CDC42BPA: variants seen among roughly 807,000 people sequenced by gnomAD.
CDC42BPA encodes CDC42 binding protein kinase alpha.
Under a neutral mutation model 223.5 loss-of-function variants are expected in CDC42BPA, and 80 were observed. The ratio of observed to expected loss-of-function variants is 0.36; its 90% CI spans 0.30 to 0.43. The LOEUF (loss-of-function observed/expected upper bound fraction) is 0.43, where lower values mean the gene tolerates loss of function less well. Ranked by LOEUF, CDC42BPA falls within the 20% of genes least tolerant of loss-of-function variation. The pLI, the probability that CDC42BPA is intolerant of heterozygous loss-of-function variation, is 1.00. For missense variants in CDC42BPA, 1,743 were observed against 2,099.9 expected, an observed-to-expected ratio of 0.83 and a Z score of 3.32; for synonymous variants, 694 against 718.6, an observed-to-expected ratio of 0.97 and a Z score of 0.55.
At chr1:227,001,762 C>T (rs993625692) in intron 35 of CDC42BPA, among the ~76,000 whole-genome samples, 7 of 152,004 alleles carry the variant, frequency 4.6e-5, no homozygotes, top group African/African-American at 1.7e-4. Context: ...CAGAAATTGG[C>T]TGGGTGTGAT....
intron 15 of CDC42BPA, among the ~76,000 whole-genome samples, chr1:227,097,518 G>A (rs1684229481): frequency 6.6e-6 from 1 of 152,212 alleles, no homozygotes; most frequent in Non-Finnish European, 1.5e-5. Context: ...ATCAGGTGAT[G>A]ATCAGGTGGT....
At chr1:227,183,899 G>T (rs1668346856) in intron 5 of CDC42BPA, among the ~76,000 whole-genome samples, 1 of 152,150 alleles carries the variant, frequency 6.6e-6, no homozygotes, top group East Asian at 1.9e-4. Flanking sequence ...AAACAGGTGG[G>T]TAATAATATC....
At chr1:227,172,675 GA>G (rs1157035942) in intron 5 of CDC42BPA, among the ~76,000 whole-genome samples, 1 of 151,958 alleles carries the variant, frequency 6.6e-6, no homozygotes, top group Non-Finnish European at 1.5e-5. Flanking sequence ...ATAGTTGGGG[GA>G]AACTGGGCGA....
intron 1 of CDC42BPA, among the ~76,000 whole-genome samples, chr1:227,281,522 C>T (rs1234118127): frequency 1.3e-5 from 2 of 152,130 alleles, no homozygotes; most frequent in African/African-American, 4.8e-5. Context: ...TGTCCCAGGG[C>T]CCCTGGAAGC....
At chr1:227,143,274 A>G (rs573502733) in intron 8 of CDC42BPA, among the ~76,000 whole-genome samples, 1 of 152,334 alleles carries the variant, frequency 6.6e-6, no homozygotes, top group South Asian at 2.1e-4. Flanking sequence ...ATTATTATTC[A>G]TGTATTCTGT....
At chr1:227,013,812 G>C (rs1665685484) in intron 34 of CDC42BPA, among the ~76,000 whole-genome samples, 3 of 151,982 alleles carry the variant, frequency 2.0e-5, no homozygotes, top group Non-Finnish European at 4.4e-5. Context: ...GTTTTGCTTT[G>C]CAACTTACAT....
At chr1:227,277,511 T>C (rs1687304404) in intron 1 of CDC42BPA, among the ~76,000 whole-genome samples, 2 of 152,180 alleles carry the variant, frequency 1.3e-5, no homozygotes, top group Admixed American at 6.5e-5. Context: ...AATCAAAGCA[T>C]TAGTAAATCA....
Position 227,073,860 on chromosome 1 carries a change from T to A in CDC42BPA, c.2735+4A>T. ...TCTAGTGGGACTATATGATTCAATCTTACCATTCTGTTATGATATTAGATG... is the reference window on the plus strand; with the variant it reads ...TCTAGTGGGACTATATGATTCAATCATACCATTCTGTTATGATATTAGATG... On this transcript the variant is annotated splice_donor_region_variant and intron_variant, in intron 19 of 36. Coordinates refer to ENST00000366766, the MANE Select transcript of CDC42BPA (RefSeq NM_001394014.1). 1 of 1,563,108 alleles carries A rather than the reference T, an allele frequency of 6.4e-7. No individual in the cohort carries two copies. The highest frequency in any genetic ancestry group is 8.6e-7 in the Non-Finnish European group (1 of 1,156,826).
chr1:227,037,878 G>A (rs1053947859), intron 24 of CDC42BPA, among the ~76,000 whole-genome samples: 1 of 152,082 alleles, frequency 6.6e-6, no homozygotes, highest in East Asian at 1.9e-4. Context: ...TCTAGTTTGA[G>A]GCACTAAGAA....
At chr1:227,139,834 T>C (rs1016538409) in intron 9 of CDC42BPA, 92 bp from the exon 10 acceptor site, 8 of 666,360 alleles carry the variant, frequency 1.2e-5, no homozygotes, top group African/African-American at 1.1e-4. Flanking sequence ...TTTAACTGAC[T>C]CCACATTTAT....
chr1:227,109,732 T>G (rs1319390791), intron 14 of CDC42BPA, among the ~76,000 whole-genome samples: 1 of 151,924 alleles, frequency 6.6e-6, no homozygotes, highest in Non-Finnish European at 1.5e-5. Flanking sequence ...GTTTTACTTT[T>G]GAAACATTTT....
At chr1:227,040,513 G>A (rs1184760947) in intron 23 of CDC42BPA, among the ~76,000 whole-genome samples, 1 of 151,924 alleles carries the variant, frequency 6.6e-6, no homozygotes, top group African/African-American at 2.4e-5. Flanking sequence ...TTTTTGGGGG[G>A]CTCATAAATC....
chr1:227,056,200 T>C (rs1046697430), intron 21 of CDC42BPA, among the ~76,000 whole-genome samples: 1 of 152,128 alleles, frequency 6.6e-6, no homozygotes, highest in Non-Finnish European at 1.5e-5. Context: ...TTCTACTGCC[T>C]AAATAATTAC....
chr1:227,132,061 T>C (rs1309941324), intron 10 of CDC42BPA, among the ~76,000 whole-genome samples: 1 of 152,126 alleles, frequency 6.6e-6, no homozygotes, highest in Admixed American at 6.5e-5. Context: ...CTCTCTCTCA[T>C]GTGAAAAAAT....
At chr1:227,285,589 T>C (rs975668060) in intron 1 of CDC42BPA, among the ~76,000 whole-genome samples, 2 of 152,214 alleles carry the variant, frequency 1.3e-5, no homozygotes, top group Non-Finnish European at 2.9e-5. Context: ...CAGTATCTGA[T>C]ACTCTGCTTA....
intron 1 of CDC42BPA, among the ~76,000 whole-genome samples, chr1:227,271,534 C>T (rs980104481): frequency 4.0e-5 from 6 of 151,836 alleles, no homozygotes; most frequent in Admixed American, 1.3e-4. Context: ...GTGGGGAGAA[C>T]GATACAAATG....
At chr1:227,251,967 A>T (rs930993065) in intron 2 of CDC42BPA, among the ~76,000 whole-genome samples, 2 of 152,270 alleles carry the variant, frequency 1.3e-5, no homozygotes, top group Non-Finnish European at 2.9e-5. Flanking sequence ...ACAAAAATTT[A>T]AAATCACACT....
intron 1 of CDC42BPA, among the ~76,000 whole-genome samples, chr1:227,297,979 C>CACACACACACACACAA (rs1690977799): frequency 7.6e-6 from 1 of 130,830 alleles, no homozygotes; most frequent in African/African-American, 3.1e-5. Flanking sequence ...CACACACACA[C>CACACACACACACACAA]ACATATATAC....
chr1:227,308,831 T>C (rs1179757013), intron 1 of CDC42BPA, among the ~76,000 whole-genome samples: 2 of 152,200 alleles, frequency 1.3e-5, no homozygotes, highest in Non-Finnish European at 2.9e-5. Flanking sequence ...GTTATCACTA[T>C]GAATAGACCA....
Sources: gnomAD v4.1 joint callset for allele counts (sites outside exome capture counted in the v4.1 genomes callset) on GRCh38, gnomAD v4.1.1 for gene constraint, MANE v1.5 for transcripts, NCBI Gene and HGNC (gene_info 2026-07-23, HGNC 2026-07-21) for gene names.